SFI1: variants seen among roughly 807,000 people sequenced by gnomAD.
SFI1 encodes the protein SFI1 centrin binding protein.
In SFI1, 195 loss-of-function variants were observed where a neutral mutation model predicts 207.5. That is an observed-to-expected ratio of 0.94 (90% CI 0.84 to 1.06). SFI1 has a LOEUF of 1.06. Ranked by LOEUF, SFI1 falls within the 50% of genes least tolerant of loss-of-function variation. The pLI is 0.00. For synonymous variants in SFI1, 630 were observed against 598.9 expected (o/e 1.05, Z -0.76); for missense variants, 1,634 against 1,588.0 (o/e 1.03, Z -0.49).
chr22:31,586,125 T>G (rs1053466786), intron 14 of SFI1, among the ~76,000 whole-genome samples: 2 of 152,146 alleles, frequency 1.3e-5, no homozygotes, highest in African/African-American at 4.8e-5. Flanking sequence ...ACAACTGCAC[T>G]CTGACCAGTT....
chr22:31,509,911 ATATTTATTTATT>A (rs560529392), intron 2 of SFI1, among the ~76,000 whole-genome samples: 1 of 151,384 alleles, frequency 6.6e-6, no homozygotes, highest in Non-Finnish European at 1.5e-5. Flanking sequence ...CATTGTTTTG[ATATTTATTTATT>A]TATTTATTTA....
chr22:31,615,177 C>T lies in SFI1; in HGVS notation c.3198C>T (p.Ser1066=), dbSNP rs773647685. 2.4e-5 allele frequency: 38 copies of T among 1,599,006 alleles called. 1 individual carries two copies. The highest frequency in any genetic ancestry group is 8.7e-5 in the Admixed American group (5 of 57,258). Residue 1066 remains serine, a synonymous_variant, in exon 29 of 33, where the codon AGC becomes AGT. Transcript: ENST00000400288. ...GCCCCCTGCCTGGGGCCCTGTCAAG[C>T]GCCCCTGGCCCGAAGCAGCCCCCGA... ...PHSPLPGALS[S]APGPKQPPTA...
chr22:31,585,587 A>G (rs980502730), intron 14 of SFI1, among the ~76,000 whole-genome samples: 4 of 152,208 alleles, frequency 2.6e-5, no homozygotes, highest in Non-Finnish European at 5.9e-5. Context: ...GATAGATTCA[A>G]TTCCATTTAA....
intron 21 of SFI1, chr22:31,606,644 C>T: frequency 2.2e-6 from 1 of 447,010 alleles, no homozygotes; most frequent in East Asian, 3.8e-5. Flanking sequence ...AGAAACATAA[C>T]ACATCATAAG....
intron 2 of SFI1, 63 bp downstream of exon 2, chr22:31,508,439 T>G (rs994714834): frequency 8.2e-7 from 1 of 1,215,588 alleles, no homozygotes; most frequent in African/African-American, 1.5e-5. Flanking sequence ...AACTAAACAT[T>G]TTGTGTATGA....
intron 7 of SFI1, among the ~76,000 whole-genome samples, chr22:31,558,926 C>T (rs1208189005): frequency 6.6e-6 from 1 of 152,134 alleles, no homozygotes; most frequent in Admixed American, 6.5e-5. Context: ...AAGTGATTCT[C>T]CTGCCTCAGC....
chr22:31,535,066 C>T (rs1046762573), intron 4 of SFI1, among the ~76,000 whole-genome samples: 1 of 151,954 alleles, frequency 6.6e-6, no homozygotes, highest in Non-Finnish European at 1.5e-5. Flanking sequence ...AGGGTTTCAC[C>T]TTGTTGGCCA....
chr22:31,559,458 A>G (rs1028406029), intron 7 of SFI1: 9 of 440,298 alleles, frequency 2.0e-5, no homozygotes, highest in African/African-American at 1.0e-4. Flanking sequence ...CGGGAGGCCT[A>G]CACACCGCCA....
chr22:31,609,383 G>A (rs1419327433), intron 22 of SFI1, among the ~76,000 whole-genome samples: 5 of 152,132 alleles, frequency 3.3e-5, no homozygotes, highest in African/African-American at 4.8e-5. Context: ...ACAGACACGC[G>A]GCAGACCCAT....
chr22:31,617,128 C>A, intron 31 of SFI1, 50 bp downstream of exon 31: 1 of 1,597,330 alleles, frequency 6.3e-7, no homozygotes. Flanking sequence ...GCAGGTGTTG[C>A]CTGGAGAGGT....
chr22:31,516,903 G>A (rs1022876199), intron 2 of SFI1, among the ~76,000 whole-genome samples: 17 of 152,032 alleles, frequency 1.1e-4, no homozygotes, highest in African/African-American at 3.1e-4. Context: ...GCAGTGAGCC[G>A]AGATTGCGCC....
Position 31,602,782 on chromosome 22 carries a change from C to T in SFI1, c.1802C>T (p.Thr601Ile). Residue 601 changes from threonine (T) to isoleucine (I), a missense_variant, in exon 17 of 33, where the codon ACA becomes ATA. Physicochemically the swap from Thr to Ile is moderately conservative, Grantham distance 89. Transcript: ENST00000400288. ...LWRESAQGLR[T>I]ERTGRVRAAE... is the part of the protein sequence containing the mutation. ...AGGGAAAGTGCCCAAGGGCTCAGAA[C>T]AGAGTGAGTGGCCAGTTCTGCCTTA... 1 of 1,613,012 alleles carries T rather than the reference C, an allele frequency of 6.2e-7. No homozygotes were observed. The highest frequency in any genetic ancestry group is 1.3e-5 in the African/African-American group (1 of 75,032).
At chr22:31,559,641 A>AC (rs1648561332) in intron 7 of SFI1, 1 of 720,066 alleles carries the variant, frequency 1.4e-6, no homozygotes, top group Non-Finnish European at 2.6e-6. Flanking sequence ...GACCTCACCA[A>AC]GTGGGCAGGA....
chr22:31,561,079 G>T (rs13053428), intron 7 of SFI1, among the ~76,000 whole-genome samples: 1 of 152,076 alleles, frequency 6.6e-6, no homozygotes. Flanking sequence ...GGATCTGACC[G>T]TAGGAACCAT....
At chr22:31,509,974 G>A (rs2055246246) in intron 2 of SFI1, among the ~76,000 whole-genome samples, 1 of 151,772 alleles carries the variant, frequency 6.6e-6, no homozygotes, top group African/African-American at 2.4e-5. Context: ...AGGCTGGAGT[G>A]CAGTGGTACA....
rs1383397460 is a variant in SFI1, at chr22:31,611,235, C to G, written c.2347C>G (p.His783Asp). Residue 783 changes from histidine (H) to aspartate (D), a missense_variant, in exon 23 of 33, where the codon CAC becomes GAC. Transcript: ENST00000400288. ...GCTGGAGAGGGCAGTGCAACACCAC[C>G]ACCGGCAGCTGCTGCTGGAGGGGCT... ...LQLERAVQHH[H>D]RQLLLEGLAR... 6.2e-7 allele frequency: 1 copy of G among 1,613,564 alleles called. No individual in the cohort carries two copies. The highest frequency in any genetic ancestry group is 1.7e-5 in the Admixed American group (1 of 59,988).
rs1407325100 is a variant in SFI1 at position 31,606,355 on chromosome 22, C to T, written c.2082C>T (p.Asn694=). 3.7e-6 allele frequency: 6 copies of T among 1,613,918 alleles called. No individual in the cohort carries two copies. The highest frequency in any genetic ancestry group is 1.1e-5 in the South Asian group (1 of 91,078). The part of the protein sequence containing the change: ...LRGALRRWKE[N]TMARVDEAKK... The stretch of plus-strand genomic sequence containing the variant: ...GGGCATTACGTCGCTGGAAAGAGAA[C>T]ACCATGGCCCGAGTGGATGAAGCCA... Residue 694 remains asparagine, a synonymous_variant, in exon 21 of 33, where the codon AAC becomes AAT. Transcript: ENST00000400288.
chr22:31,605,137 A>G, intron 20 of SFI1, 192 bp downstream of exon 20: 1 of 458,032 alleles, frequency 2.2e-6, no homozygotes, highest in Non-Finnish European at 3.8e-6. Flanking sequence ...TGCTGTGTGC[A>G]GGGCAGGACC....
intron 2 of SFI1, among the ~76,000 whole-genome samples, chr22:31,526,313 G>A (rs1483343458): frequency 6.6e-6 from 1 of 152,162 alleles, no homozygotes; most frequent in Non-Finnish European, 1.5e-5. Flanking sequence ...AATCATGGTG[G>A]AAGGGGAAGC....
Sources: gnomAD v4.1 joint callset for allele counts (sites outside exome capture counted in the v4.1 genomes callset) on GRCh38, gnomAD v4.1.1 for gene constraint, MANE v1.5 for transcripts, NCBI Gene and HGNC (gene_info 2026-07-23, HGNC 2026-07-21) for gene names.